The following PCDH7 variants were observed in gnomAD, a reference collection of about 807,000 sequenced individuals.
PCDH7 encodes the protein protocadherin-7.
In PCDH7, 17 loss-of-function variants were observed where a neutral mutation model predicts 58.9. That is an observed-to-expected ratio of 0.29 (90% CI 0.20 to 0.43). The LOEUF (loss-of-function observed/expected upper bound fraction) is 0.43, where lower values mean the gene tolerates loss of function less well. Among genes scored for constraint, PCDH7 ranks in the 20% least tolerant of loss-of-function variants. The pLI is 1.00. For missense variants in PCDH7, 1,274 were observed against 1,441.0 expected, an observed-to-expected ratio of 0.88 and a Z score of 1.88; for synonymous variants, 664 against 616.4, an observed-to-expected ratio of 1.08 and a Z score of -1.14.
intron 3 of PCDH7, among the ~76,000 whole-genome samples, chr4:30,956,171 G>C (rs909532433): frequency 6.6e-6 from 1 of 151,552 alleles, no homozygotes; most frequent in African/African-American, 2.4e-5. Context: ...CCGAGATCAT[G>C]CCACTGCACT....
intron 3 of PCDH7, among the ~76,000 whole-genome samples, chr4:31,057,879 C>A (rs1269237884): frequency 6.6e-6 from 1 of 152,008 alleles, no homozygotes; most frequent in African/African-American, 2.4e-5. Flanking sequence ...AAAACATGTA[C>A]CTGGAATATG....
intron 1 of PCDH7, among the ~76,000 whole-genome samples, chr4:30,854,250 CT>C (rs1450360459): frequency 6.7e-6 from 1 of 149,856 alleles, no homozygotes. Flanking sequence ...TTCTTAGGGG[CT>C]TTCTTGTGCA....
At chr4:30,851,860 T>C (rs1004337668) in intron 1 of PCDH7, among the ~76,000 whole-genome samples, 2 of 152,056 alleles carry the variant, frequency 1.3e-5, no homozygotes, top group African/African-American at 4.8e-5. Flanking sequence ...TACCTAGAAA[T>C]TATAATTTAC....
chr4:30,721,165 G>A lies in PCDH7; in HGVS notation c.-258G>A, dbSNP rs1184753592. On this transcript the variant is annotated 5_prime_UTR_variant, in exon 1 of 2. Coordinates refer to ENST00000361762, the Ensembl canonical transcript of PCDH7. This position sits in a 1 kb window ranked among gnomAD's most constrained non-coding sequence, Gnocchi z 6.7. The stretch of plus-strand genomic sequence containing the variant: ...ACGGCGGCAGGCGAGCGGGCGATTA[G>A]CACCCATTGCATGAATTATGAAACA... 8.0e-6 allele frequency: 4 copies of A among 497,276 alleles called. No homozygotes were observed. The highest frequency in any genetic ancestry group is 1.4e-5 in the Non-Finnish European group (4 of 283,256). 30.8% of individuals were successfully genotyped at this position (497,276 alleles called of 1,614,324 possible). A position where few individuals can be genotyped will look rare whatever the true frequency, so the allele number is the denominator to read the frequency against.
chr4:31,104,559 T>TA (rs1207296116), intron 3 of PCDH7, among the ~76,000 whole-genome samples: 1 of 152,202 alleles, frequency 6.6e-6, no homozygotes, highest in Admixed American at 6.5e-5. Context: ...TTTTTGTGTA[T>TA]AAAAATACAT....
chr4:30,906,933 G>T (rs1041745129), intron 1 of PCDH7, among the ~76,000 whole-genome samples: 3 of 152,074 alleles, frequency 2.0e-5, no homozygotes, highest in Admixed American at 1.3e-4. Flanking sequence ...TGAGGCAGGA[G>T]AATCGTTTGA....
chr4:30,745,827 G>T (rs1470390412), intron 1 of PCDH7, among the ~76,000 whole-genome samples: 1 of 151,932 alleles, frequency 6.6e-6, no homozygotes, highest in African/African-American at 2.4e-5. Flanking sequence ...CTTCTAAAGA[G>T]ATATTATTAT....
intron 1 of PCDH7, among the ~76,000 whole-genome samples, chr4:30,836,552 G>T (rs1730505631): frequency 6.6e-6 from 1 of 152,184 alleles, no homozygotes; most frequent in Non-Finnish European, 1.5e-5. Flanking sequence ...CCAGGAGATT[G>T]TATATGTTGG....
At chr4:31,125,060 G>C (rs78465538) in intron 3 of PCDH7, among the ~76,000 whole-genome samples, 1 of 152,234 alleles carries the variant, frequency 6.6e-6, no homozygotes, top group Admixed American at 6.5e-5. Flanking sequence ...GACCTATCCC[G>C]TGAAGATAAA....
chr4:31,117,423 A>G (rs1499475), intron 3 of PCDH7, among the ~76,000 whole-genome samples: 45,004 of 151,894 alleles, frequency 0.3, 7,301 homozygotes, highest in African/African-American at 0.41. Flanking sequence ...ACTCCCATAT[A>G]TATTTGAAGC....
intron 3 of PCDH7, among the ~76,000 whole-genome samples, chr4:31,142,150 C>T (rs1162618340): frequency 1.3e-5 from 2 of 152,038 alleles, no homozygotes; most frequent in Non-Finnish European, 2.9e-5. Flanking sequence ...TACAAATTTA[C>T]CTATGTATTT....
Position 30,772,994 on chromosome 4 carries a change from C to G in PCDH7, c.70+48398C>G, listed in dbSNP as rs559238622. Among the ~76,000 whole-genome samples the G allele has an allele frequency of 1.8e-4, 27 of 152,252 alleles. 1 individual carries two copies. Among genetic ancestry groups the G allele is most frequent in the African/African-American group, 6.3e-4 (26 of 41,554 alleles). ...TCGGCTCACTGCAACCTCTGTCTCC[C>G]AGGTTCAAGTGATTCTCACACCTCA... is the stretch of plus-strand genomic sequence containing the variant. On this transcript the variant is annotated intron_variant, in intron 1 of 3. Transcript: ENST00000509759.
At chr4:30,724,344 C>A in exon 1 of PCDH7, 6 of 1,614,068 alleles carry the variant, frequency 3.7e-6, no homozygotes, top group African/African-American at 1.3e-5. Context: ...TGTCAGACAG[C>A]CCAAGCATGG....
At chr4:30,998,752 G>A (rs560306031) in intron 3 of PCDH7, among the ~76,000 whole-genome samples, 45 of 152,166 alleles carry the variant, frequency 3.0e-4, no homozygotes, top group African/African-American at 8.7e-4. Context: ...GGATAAGGAA[G>A]GTAGAATAAT....
chr4:30,867,908 T>G (rs575453019), intron 1 of PCDH7, among the ~76,000 whole-genome samples: 2 of 152,186 alleles, frequency 1.3e-5, no homozygotes, highest in South Asian at 4.1e-4. Flanking sequence ...TGCACGATAT[T>G]TTTAATATAC....
At chr4:31,083,083 G>T (rs2109272319) in intron 3 of PCDH7, among the ~76,000 whole-genome samples, 1 of 152,158 alleles carries the variant, frequency 6.6e-6, no homozygotes, top group Non-Finnish European at 1.5e-5. Flanking sequence ...ACTCCAGCCT[G>T]GGCGACAGAG....
chr4:31,049,556 C>A (rs1255305892), intron 3 of PCDH7, among the ~76,000 whole-genome samples: 4 of 152,052 alleles, frequency 2.6e-5, no homozygotes, highest in Non-Finnish European at 4.4e-5. Flanking sequence ...CTGTTCATTG[C>A]ACTGTAAGTG....
intron 3 of PCDH7, among the ~76,000 whole-genome samples, chr4:30,991,490 C>T (rs943134729): frequency 1.3e-5 from 2 of 152,116 alleles, no homozygotes; most frequent in African/African-American, 2.4e-5. Context: ...TCAGCACTCT[C>T]GAGACTGAGG....
intron 3 of PCDH7, among the ~76,000 whole-genome samples, chr4:31,028,279 G>T (rs1754611643): frequency 6.6e-6 from 1 of 151,962 alleles, no homozygotes; most frequent in South Asian, 2.1e-4. Flanking sequence ...AAATCCCTGG[G>T]TTTTTTTGTT....
Sources: allele counts gnomAD v4.1 joint callset (sites outside exome capture counted in the v4.1 genomes callset), GRCh38; gene constraint gnomAD v4.1.1; non-coding constraint Gnocchi (gnomAD v3.1); transcripts MANE v1.5; gene names NCBI Gene and HGNC (gene_info 2026-07-23, HGNC 2026-07-21).